The following CDH22 variants were observed in gnomAD, a reference collection of about 807,000 sequenced individuals.
CDH22 encodes the protein cadherin 22.
Under a neutral mutation model 58.4 loss-of-function variants are expected in CDH22, and 30 were observed. The observed-to-expected ratio is 0.51, with a 90% confidence interval of 0.38 to 0.70. The LOEUF (loss-of-function observed/expected upper bound fraction) is 0.70. Ranked by LOEUF, CDH22 falls within the 30% of genes least tolerant of loss-of-function variation. The pLI, the probability that CDH22 is intolerant of heterozygous loss-of-function variation, is 0.00. For missense variants in CDH22, 1,014 were observed against 1,233.9 expected (o/e 0.82, Z 2.67); for synonymous variants, 513 against 558.2 (o/e 0.92, Z 1.14).
intron 1 of CDH22, among the ~76,000 whole-genome samples, chr20:46,276,838 C>T (rs1054187521): frequency 1.3e-5 from 2 of 152,062 alleles, no homozygotes; most frequent in African/African-American, 2.4e-5. Context: ...AGAGTGTGAG[C>T]TTCTCCACCT....
intron 1 of CDH22, among the ~76,000 whole-genome samples, chr20:46,265,539 A>G (rs2086455352): frequency 6.6e-6 from 1 of 152,068 alleles, no homozygotes; most frequent in Non-Finnish European, 1.5e-5. Flanking sequence ...CCTGGCTTTT[A>G]TGACTAGTTC....
chr20:46,174,672 G>T lies in CDH22; in HGVS notation c.2321C>A (p.Ala774Asp), dbSNP rs936603544. Residue 774 changes from alanine (A) to aspartate (D), a missense_variant, in exon 12 of 12, where the codon GCC becomes GAC. By Grantham distance (126) the Ala-to-Asp change is moderately radical. Around this residue, in one of 2 missense-constraint regions of CDH22, gnomAD observed 208 missense variants for 195.2 expected, o/e 1.07. Coordinates refer to ENST00000537909, the MANE Select transcript of CDH22 (RefSeq NM_021248.3). This position sits in a 1 kb window ranked among gnomAD's most constrained non-coding sequence, Gnocchi z 4.4. The part of the protein sequence containing the change: ...VPPYDAFQTY[A>D]FEGADSPAAS... Reference sequence around the variant, plus strand: ...GGCCGGCGAGTCCGCGCCCTCGAAGGCGTAGGTCTGGAAGGCGTCGTAGGG... The same window carrying T: ...GGCCGGCGAGTCCGCGCCCTCGAAGTCGTAGGTCTGGAAGGCGTCGTAGGG... 3.8e-6 allele frequency: 6 copies of T among 1,560,222 alleles called. 1 individual carries two copies. In the South Asian group the frequency reaches 7.0e-5, roughly 18 times the overall value.
At chr20:46,294,957 G>T (rs1216282385) in intron 1 of CDH22, among the ~76,000 whole-genome samples, 1 of 152,346 alleles carries the variant, frequency 6.6e-6, no homozygotes, top group Admixed American at 6.5e-5. Context: ...CTGAGGAGGG[G>T]TTTCTTCTTC....
intron 1 of CDH22, among the ~76,000 whole-genome samples, chr20:46,281,932 A>G (rs144567450): frequency 1.3e-5 from 2 of 152,380 alleles, no homozygotes; most frequent in Non-Finnish European, 2.9e-5. Flanking sequence ...TGCTACTATT[A>G]CAGATGCCTT....
chr20:46,256,001 C>G (rs571339337), intron 1 of CDH22, among the ~76,000 whole-genome samples: 1 of 152,352 alleles, frequency 6.6e-6, no homozygotes, highest in Admixed American at 6.5e-5. Context: ...GTCCACACTT[C>G]AGCCTCACCT....
At chr20:46,257,244 C>G (rs3848730) in intron 1 of CDH22, among the ~76,000 whole-genome samples, 77,777 of 150,930 alleles carry the variant, frequency 0.52, 20,077 homozygotes, top group South Asian at 0.58. Flanking sequence ...TTGGGGAGGT[C>G]GAGGCTGCAA....
chr20:46,222,396 G>A (rs78951421), intron 4 of CDH22, among the ~76,000 whole-genome samples: 3,794 of 152,290 alleles, frequency 0.025, 88 homozygotes, highest in African/African-American at 0.064. Context: ...CAGAAGCTCC[G>A]TGAGGGCAGA....
At chr20:46,234,537 A>G (rs1231497234) in intron 3 of CDH22, among the ~76,000 whole-genome samples, 2 of 152,226 alleles carry the variant, frequency 1.3e-5, no homozygotes. Context: ...TGCAGGCTGT[A>G]CTACCAAGAC....
chr20:46,222,481 C>T (rs1400376525), intron 4 of CDH22, among the ~76,000 whole-genome samples: 1 of 152,224 alleles, frequency 6.6e-6, no homozygotes, highest in Non-Finnish European at 1.5e-5. Context: ...AGTTTCATTC[C>T]CTCCCTGTAA....
At chr20:46,302,556 A>C (rs920681656) in intron 1 of CDH22, among the ~76,000 whole-genome samples, 9 of 152,174 alleles carry the variant, frequency 5.9e-5, no homozygotes, top group African/African-American at 1.9e-4. Context: ...GCTGGGTCCA[A>C]GAAGGCTTCT....
Position 46,210,189 on chromosome 20 carries a change from G to A in CDH22, c.1286+118C>T. Reference sequence around the variant, plus strand: ...CTCTCTCCGCGCCTCCCTCCCCCACGCAGCCCCTTCCTTCGGCCCTGCCCG... The same window carrying A: ...CTCTCTCCGCGCCTCCCTCCCCCACACAGCCCCTTCCTTCGGCCCTGCCCG... On this transcript the variant is annotated intron_variant, in intron 7 of 11. Transcript: ENST00000537909. The surrounding 1 kb of genome is among the most constrained non-coding windows in gnomAD (Gnocchi z 4.5). 9.2e-7 allele frequency: 1 copy of A among 1,081,146 alleles called. No individual in the cohort carries two copies. The highest frequency in any genetic ancestry group is 1.2e-6 in the Non-Finnish European group (1 of 824,084). The allele number at this position is 1,081,146 out of a possible 1,614,324, so 67.0% of individuals were successfully genotyped here.
chr20:46,302,363 C>T (rs920651941), intron 1 of CDH22, among the ~76,000 whole-genome samples: 12 of 152,082 alleles, frequency 7.9e-5, no homozygotes, highest in African/African-American at 1.2e-4. Context: ...CAGCCTTCTA[C>T]GCAGTAGTGA....
chr20:46,181,065 C>T (rs1214156058), intron 10 of CDH22, among the ~76,000 whole-genome samples: 2 of 151,852 alleles, frequency 1.3e-5, no homozygotes, highest in Non-Finnish European at 2.9e-5. Flanking sequence ...CATAAGCCAC[C>T]ATGACTGGCC....
At chr20:46,234,019 C>G (rs2086237466) in intron 3 of CDH22, among the ~76,000 whole-genome samples, 1 of 152,220 alleles carries the variant, frequency 6.6e-6, no homozygotes, top group South Asian at 2.1e-4. Context: ...GCTGCCCTCT[C>G]CAAATGATAT....
intron 3 of CDH22, among the ~76,000 whole-genome samples, chr20:46,236,536 T>C (rs1053829695): frequency 5.7e-4 from 80 of 140,486 alleles, no homozygotes; most frequent in African/African-American, 2.0e-3. Context: ...ATAATATATT[T>C]ATATATAAAT....
At chr20:46,211,577 T>C (rs1231378263) in intron 6 of CDH22, among the ~76,000 whole-genome samples, 1 of 151,398 alleles carries the variant, frequency 6.6e-6, no homozygotes, top group Non-Finnish European at 1.5e-5. Flanking sequence ...ACTGCTGGAG[T>C]GGGCGGCAGG....
chr20:46,174,647 G>A lies in CDH22; in HGVS notation c.2346C>T (p.Ala782=). 8 of 1,554,936 alleles carry A rather than the reference G, an allele frequency of 5.1e-6. No homozygotes were observed. Among genetic ancestry groups the A allele is most frequent in the Non-Finnish European group, 6.1e-6 (7 of 1,156,614 alleles). The change falls in exon 12 of 12, where the codon GCC becomes GCT. Residue 782 remains alanine, a synonymous_variant. Coordinates refer to ENST00000537909, the MANE Select transcript of CDH22 (RefSeq NM_021248.3). This position sits in a 1 kb window ranked among gnomAD's most constrained non-coding sequence, Gnocchi z 4.4. ...CGCTGTGCAGGGAGCTGAGCGAGGC[G>A]GCCGGCGAGTCCGCGCCCTCGAAGG... The part of the protein sequence containing the change: ...TYAFEGADSP[A]ASLSSLHSGS...
At chr20:46,223,626 C>T (rs2086141930) in intron 4 of CDH22, among the ~76,000 whole-genome samples, 2 of 143,694 alleles carry the variant, frequency 1.4e-5, no homozygotes, top group East Asian at 3.9e-4. Flanking sequence ...TTCTTTCTTT[C>T]TTTTTTCTTT....
At chr20:46,221,017 T>C (rs185420199) in intron 4 of CDH22, among the ~76,000 whole-genome samples, 89 of 152,020 alleles carry the variant, frequency 5.9e-4, no homozygotes, top group Non-Finnish European at 9.3e-4. Flanking sequence ...AAAGCAGAGG[T>C]TTGATAAGCC....
Sources: allele counts gnomAD v4.1 joint callset (sites outside exome capture counted in the v4.1 genomes callset), GRCh38; gene constraint gnomAD v4.1.1; regional missense constraint gnomAD v4.1.1; non-coding constraint Gnocchi (gnomAD v3.1); transcripts MANE v1.5; gene names NCBI Gene and HGNC (gene_info 2026-07-23, HGNC 2026-07-21).